Variants in CPA6 observed in about 807,000 individuals in gnomAD.
The protein encoded by CPA6 is carboxypeptidase A6.
In CPA6, 58 loss-of-function variants were observed where a neutral mutation model predicts 63.3. The ratio of observed to expected loss-of-function variants is 0.92; its 90% CI spans 0.74 to 1.14. The LOEUF (loss-of-function observed/expected upper bound fraction) is 1.14. CPA6 is among the 50% of genes most tolerant of loss of function. CPA6 has a pLI of 0.00. For synonymous variants in CPA6, 185 were observed against 179.0 expected, an observed-to-expected ratio of 1.03 and a Z score of -0.27; for missense variants, 565 against 526.6, an observed-to-expected ratio of 1.07 and a Z score of -0.71.
At chr8:67,555,362 A>T (rs1019551765) in intron 2 of CPA6, among the ~76,000 whole-genome samples, 1 of 152,210 alleles carries the variant, frequency 6.6e-6, no homozygotes, top group African/African-American at 2.4e-5. Flanking sequence ...TCACGTCTAC[A>T]TAATGAAACC....
intron 1 of CPA6, among the ~76,000 whole-genome samples, chr8:67,669,296 G>A (rs117557361): frequency 1.4e-4 from 22 of 152,282 alleles, no homozygotes; most frequent in Admixed American, 4.6e-4. Context: ...GTTCTTACGT[G>A]TGGCAATATC....
rs545737346 is a variant in CPA6 at position 67,618,465 on chromosome 8, A to C, written c.192+5711T>G. On this transcript the variant is annotated intron_variant, in intron 2 of 10. Transcript: ENST00000297770. ...TACTGGGGTGTGAGGGAGGGAGGCC[A>C]CACCAGGGACAGCAGCAGCACATTT... Among the ~76,000 whole-genome samples the C allele has an allele frequency of 6.6e-5, 10 of 152,292 alleles. No individual in the cohort carries two copies. The South Asian group carries it at 1.7e-3, about 25-fold the overall frequency.
intron 1 of CPA6, among the ~76,000 whole-genome samples, chr8:67,705,445 C>G (rs1817113822): frequency 6.6e-6 from 1 of 152,180 alleles, no homozygotes; most frequent in Admixed American, 6.5e-5. Flanking sequence ...CCTCCGAATC[C>G]TGCCAGGTAA....
chr8:67,614,538 C>T (rs1814893175), intron 2 of CPA6, among the ~76,000 whole-genome samples: 1 of 152,200 alleles, frequency 6.6e-6, no homozygotes, highest in Non-Finnish European at 1.5e-5. Context: ...AGTTCAGACC[C>T]ACATGAAACT....
intron 8 of CPA6, among the ~76,000 whole-genome samples, chr8:67,435,072 C>T (rs575407489): frequency 2.8e-4 from 42 of 152,302 alleles, no homozygotes; most frequent in South Asian, 1.7e-3. Flanking sequence ...CTGTACTGTC[C>T]GCTTTGTGAG....
intron 2 of CPA6, among the ~76,000 whole-genome samples, chr8:67,522,232 A>T (rs1440739923): frequency 6.6e-6 from 1 of 152,108 alleles, no homozygotes; most frequent in African/African-American, 2.4e-5. Context: ...GCCCATAAAA[A>T]CACTGGACTC....
rs75898710 is a variant in CPA6, at chr8:67,515,322, C to T, written c.317+2601G>A. 9.2e-3 allele frequency among the ~76,000 whole-genome samples: 1,405 copies of T among 152,300 alleles called. 22 individuals are homozygous for T. The highest frequency in any genetic ancestry group is 0.032 in the African/African-American group (1,316 of 41,562). Reference sequence around the variant, plus strand: ...GATTTTCCACTGATGTCCCTTCTCGCCTCCACCTGCTTTTCCTTGTGCCCA... The same window carrying T: ...GATTTTCCACTGATGTCCCTTCTCGTCTCCACCTGCTTTTCCTTGTGCCCA... On this transcript the variant is annotated intron_variant, in intron 3 of 10. Transcript: ENST00000297770.
rs559764760 is a variant in CPA6, at chr8:67,667,081, T to A, written c.117-42830A>T. On this transcript the variant is annotated intron_variant, in intron 1 of 10. Coordinates refer to ENST00000297770, the MANE Select transcript of CPA6 (RefSeq NM_020361.5). The stretch of plus-strand genomic sequence containing the variant: ...TTCAATAAATGTTTCTTTAATTACC[T>A]GGAACCAAAAAACCTATCATCTGGC... 2.9e-4 allele frequency among the ~76,000 whole-genome samples: 44 copies of A among 152,230 alleles called. 1 individual carries two copies. Among genetic ancestry groups the A allele is most frequent in the Middle Eastern group, 3.4e-3 (1 of 294 alleles).
chr8:67,673,544 C>T lies in CPA6; in HGVS notation c.117-49293G>A, dbSNP rs1444600755. On this transcript the variant is annotated intron_variant, in intron 1 of 10. Transcript: ENST00000297770. ...GACTACAGGTGCCCGCCACCACTCA[C>T]GGCTAATTTTTTTTTTTTTTTGTAT... Among the ~76,000 whole-genome samples, 5 of 142,898 alleles carry T rather than the reference C, an allele frequency of 3.5e-5. No individual in the cohort carries two copies. In the South Asian group the frequency reaches 6.4e-4, roughly 18 times the overall value. The allele number at this position is 142,898 out of a possible 152,430, so 93.7% of individuals were successfully genotyped here.
At chr8:67,522,761 G>C (rs570516797) in intron 2 of CPA6, among the ~76,000 whole-genome samples, 1 of 152,206 alleles carries the variant, frequency 6.6e-6, no homozygotes, top group African/African-American at 2.4e-5. Context: ...AGATGCTGGC[G>C]CCCAAGGTGG....
At chr8:67,441,086 A>C (rs1810284693) in intron 8 of CPA6, among the ~76,000 whole-genome samples, 1 of 152,184 alleles carries the variant, frequency 6.6e-6, no homozygotes, top group Non-Finnish European at 1.5e-5. Flanking sequence ...CCTATTGTGG[A>C]AAAACTAGAT....
At chr8:67,520,150 A>G (rs1420796123) in intron 2 of CPA6, among the ~76,000 whole-genome samples, 2 of 138,084 alleles carry the variant, frequency 1.4e-5, no homozygotes, top group Admixed American at 1.4e-4. Flanking sequence ...ATGCCAGTGG[A>G]TATGAGGAAA....
intron 1 of CPA6, among the ~76,000 whole-genome samples, chr8:67,710,414 A>AC (rs1817235034): frequency 3.8e-5 from 1 of 26,350 alleles, no homozygotes; most frequent in Non-Finnish European, 8.5e-5. Flanking sequence ...CCCCCCCCCA[A>AC]CCCCCCACCC....
At chr8:67,541,523 T>G (rs549913107) in intron 2 of CPA6, among the ~76,000 whole-genome samples, 6 of 152,118 alleles carry the variant, frequency 3.9e-5, no homozygotes, top group Non-Finnish European at 7.3e-5. Context: ...ACATACCCCC[T>G]GCTTGCTCAA....
At chr8:67,535,551 T>C (rs1341581023) in intron 2 of CPA6, among the ~76,000 whole-genome samples, 1 of 152,210 alleles carries the variant, frequency 6.6e-6, no homozygotes, top group Non-Finnish European at 1.5e-5. Context: ...CACTTTTGGA[T>C]GGGGTTGTTT....
chr8:67,520,307 A>G (rs183148067), intron 2 of CPA6, among the ~76,000 whole-genome samples: 1 of 152,314 alleles, frequency 6.6e-6, no homozygotes, highest in African/African-American at 2.4e-5. Context: ...TCCACAGGAA[A>G]GTTCCATGAA....
chr8:67,693,329 A>T (rs1279453401), intron 1 of CPA6, among the ~76,000 whole-genome samples: 1 of 152,232 alleles, frequency 6.6e-6, no homozygotes, highest in Admixed American at 6.5e-5. Flanking sequence ...CCCTAAGTGT[A>T]TAAACTACCA....
At chr8:67,506,118 C>CAT (rs1175930524) in intron 6 of CPA6, among the ~76,000 whole-genome samples, 6 of 150,926 alleles carry the variant, frequency 4.0e-5, no homozygotes, top group Non-Finnish European at 7.4e-5. Context: ...AGTATCAGAA[C>CAT]ATACGAAAGT....
At chr8:67,513,918 C>T (rs543818585) in intron 3 of CPA6, among the ~76,000 whole-genome samples, 1 of 152,172 alleles carries the variant, frequency 6.6e-6, no homozygotes, top group African/African-American at 2.4e-5. Context: ...TACAAAACCA[C>T]CTCCCCAAAG....
Sources: allele counts gnomAD v4.1 joint callset (sites outside exome capture counted in the v4.1 genomes callset), GRCh38; gene constraint gnomAD v4.1.1; transcripts MANE v1.5; gene names NCBI Gene and HGNC (gene_info 2026-07-23, HGNC 2026-07-21).